Variants in MIPOL1 observed in about 807,000 individuals in gnomAD.
MIPOL1 encodes the protein mirror-image polydactyly gene 1 protein.
Under a neutral mutation model 60.9 loss-of-function variants are expected in MIPOL1, and 57 were observed. The ratio of observed to expected loss-of-function variants is 0.94; its 90% CI spans 0.76 to 1.17. The LOEUF (loss-of-function observed/expected upper bound fraction) is 1.17, where lower values mean the gene tolerates loss of function less well. MIPOL1 is among the 50% of genes most tolerant of loss of function. MIPOL1 has a pLI of 0.00. For synonymous variants in MIPOL1, 179 were observed against 168.8 expected, an observed-to-expected ratio of 1.06 and a Z score of -0.47; for missense variants, 551 against 511.6, an observed-to-expected ratio of 1.08 and a Z score of -0.74.
At chr14:37,520,931 T>G (rs1282251083) in intron 12 of MIPOL1, among the ~76,000 whole-genome samples, 1 of 138,146 alleles carries the variant, frequency 7.2e-6, no homozygotes, top group Admixed American at 7.3e-5. Context: ...TTTTACTTTT[T>G]TTTTTTTTTT....
intron 9 of MIPOL1, among the ~76,000 whole-genome samples, chr14:37,366,909 T>G (rs2092489359): frequency 6.6e-6 from 1 of 152,054 alleles, no homozygotes; most frequent in Non-Finnish European, 1.5e-5. Context: ...ATAATGACCT[T>G]GTTTGTCTTT....
intron 12 of MIPOL1, among the ~76,000 whole-genome samples, chr14:37,537,811 G>A (rs1472610074): frequency 6.6e-6 from 1 of 151,988 alleles, no homozygotes; most frequent in Non-Finnish European, 1.5e-5. Context: ...TAAAAATAAA[G>A]TAAATGCTCT....
intron 10 of MIPOL1, chr14:37,399,710 T>G (rs1407115965): frequency 6.6e-6 from 1 of 152,170 alleles, no homozygotes; most frequent in East Asian, 1.9e-4. Context: ...CAATGGATGA[T>G]CCATTATTGT....
chr14:37,489,806 T>C (rs1023510132), intron 11 of MIPOL1, among the ~76,000 whole-genome samples: 1 of 152,170 alleles, frequency 6.6e-6, no homozygotes, highest in Non-Finnish European at 1.5e-5. Context: ...AATTGCTGCC[T>C]GTTCCCTCCT....
rs1330007098 is a variant in MIPOL1, at chr14:37,247,850, C to T, written c.-39C>T. 6.2e-7 allele frequency: 1 copy of T among 1,610,412 alleles called. No homozygotes were observed. The highest frequency in any genetic ancestry group is 1.1e-5 in the South Asian group (1 of 90,568). On this transcript the variant is annotated 5_prime_UTR_variant, in exon 3 of 13. Coordinates refer to ENST00000684589, the MANE Select transcript of MIPOL1 (RefSeq NM_001388067.1). Reference sequence around the variant, plus strand: ...TTAGCTGCAAATCTTGGAGCAAAAACCAGAGACATTGCCAGAGCAAACAAG... The same window carrying T: ...TTAGCTGCAAATCTTGGAGCAAAAATCAGAGACATTGCCAGAGCAAACAAG...
intron 4 of MIPOL1, 58 bp downstream of exon 4, chr14:37,267,227 C>G (rs1202276276): frequency 1.7e-5 from 23 of 1,328,458 alleles, no homozygotes; most frequent in Non-Finnish European, 2.4e-5. Context: ...GTGGCTCATG[C>G]CTGTAATCTC....
chr14:37,266,494 A>T (rs1316346555), intron 3 of MIPOL1, among the ~76,000 whole-genome samples: 1 of 152,216 alleles, frequency 6.6e-6, no homozygotes, highest in Non-Finnish European at 1.5e-5. Context: ...TTCTAACACT[A>T]ACATAACATT....
intron 11 of MIPOL1, among the ~76,000 whole-genome samples, chr14:37,487,801 T>C (rs2094974688): frequency 6.6e-6 from 1 of 152,192 alleles, no homozygotes; most frequent in African/African-American, 2.4e-5. Context: ...GATTCATTGA[T>C]TTTTTGAAGG....
chr14:37,515,983 G>A (rs191458332), intron 12 of MIPOL1, among the ~76,000 whole-genome samples: 1 of 152,302 alleles, frequency 6.6e-6, no homozygotes, highest in East Asian at 1.9e-4. Flanking sequence ...GTGTAAGAGA[G>A]TCCGGCTTCA....
At chr14:37,307,851 A>G (rs1459624001) in intron 7 of MIPOL1, among the ~76,000 whole-genome samples, 1 of 152,042 alleles carries the variant, frequency 6.6e-6, no homozygotes, top group Non-Finnish European at 1.5e-5. Context: ...TAATAACTTA[A>G]CAGTCTGAAG....
Position 37,460,311 on chromosome 14 carries a change from A to G in MIPOL1, c.1031+37362A>G, listed in dbSNP as rs2094525453. On this transcript the variant is annotated intron_variant, in intron 11 of 12. Transcript: ENST00000684589. Reference sequence around the variant, plus strand: ...AAGAAAAAGCATTTGATGAAATCCAACATCTCTTCATGATAAAAACCTTCA... The same window carrying G: ...AAGAAAAAGCATTTGATGAAATCCAGCATCTCTTCATGATAAAAACCTTCA... Among the ~76,000 whole-genome samples the G allele has an allele frequency of 2.6e-5, 4 of 152,254 alleles. No homozygotes were observed. The South Asian group carries it at 6.2e-4, about 24-fold the overall frequency.
At chr14:37,437,451 G>T (rs2094179277) in intron 11 of MIPOL1, among the ~76,000 whole-genome samples, 1 of 152,084 alleles carries the variant, frequency 6.6e-6, no homozygotes, top group African/African-American at 2.4e-5. Flanking sequence ...GGTGAAAATT[G>T]AGATTTTGTC....
At chr14:37,279,992 T>C (rs1015033348) in intron 6 of MIPOL1, among the ~76,000 whole-genome samples, 2 of 152,164 alleles carry the variant, frequency 1.3e-5, no homozygotes, top group Non-Finnish European at 2.9e-5. Flanking sequence ...TCTTTACTTA[T>C]GTGAGTTCCA....
At chr14:37,407,485 C>T (rs2093606751) in intron 10 of MIPOL1, among the ~76,000 whole-genome samples, 1 of 151,976 alleles carries the variant, frequency 6.6e-6, no homozygotes, top group South Asian at 2.1e-4. Flanking sequence ...TCATATTTAC[C>T]TTTTAAAGAG....
intron 9 of MIPOL1, among the ~76,000 whole-genome samples, chr14:37,343,108 AGTTAT>A (rs1167351411): frequency 1.3e-5 from 2 of 151,504 alleles, no homozygotes; most frequent in Non-Finnish European, 2.9e-5. Flanking sequence ...TGAATAAATT[AGTTAT>A]GTTATATATA....
chr14:37,377,394 T>G (rs2207861), intron 10 of MIPOL1, among the ~76,000 whole-genome samples: 2 of 152,050 alleles, frequency 1.3e-5, no homozygotes, highest in Non-Finnish European at 2.9e-5. Context: ...GAAACTGCAG[T>G]AGTCATTTTA....
At chr14:37,516,788 A>AT (rs956808118) in intron 12 of MIPOL1, among the ~76,000 whole-genome samples, 2 of 152,098 alleles carry the variant, frequency 1.3e-5, no homozygotes, top group Admixed American at 6.6e-5. Context: ...AATATGCTGT[A>AT]TTTTTTTAGA....
intron 1 of MIPOL1, among the ~76,000 whole-genome samples, chr14:37,200,620 A>G (rs1471984226): frequency 1.3e-5 from 2 of 148,238 alleles, no homozygotes; most frequent in Non-Finnish European, 3.0e-5. Context: ...TTACATAGGA[A>G]CCCAAAGTGC....
chr14:37,237,936 C>T (rs8005945), intron 1 of MIPOL1, among the ~76,000 whole-genome samples: 39,234 of 151,900 alleles, frequency 0.26, 5,231 homozygotes, highest in South Asian at 0.33. Context: ...TCCCTTTCTT[C>T]GTTTTGAGCT....
Sources: allele counts gnomAD v4.1 joint callset (sites outside exome capture counted in the v4.1 genomes callset), GRCh38; gene constraint gnomAD v4.1.1; transcripts MANE v1.5; gene names NCBI Gene and HGNC (gene_info 2026-07-23, HGNC 2026-07-21).